GALNT5: variants seen among roughly 807,000 people sequenced by gnomAD.
GALNT5 encodes UDP-GalNAc:polypeptide N-acetylgalactosaminyltransferase 5.
In GALNT5, 72 loss-of-function variants were observed where a neutral mutation model predicts 85.4. The ratio of observed to expected loss-of-function variants is 0.84; its 90% confidence interval spans 0.70 to 1.03. The LOEUF is 1.03. Ranked by LOEUF, GALNT5 falls within the 50% of genes least tolerant of loss-of-function variation. The pLI is 0.00. For synonymous variants in GALNT5, 404 were observed against 397.0 expected, an observed-to-expected ratio of 1.02 and a Z score of -0.21; for missense variants, 1,137 against 1,135.5, an observed-to-expected ratio of 1.00 and a Z score of -0.02.
intron 8 of GALNT5, among the ~76,000 whole-genome samples, chr2:157,308,098 C>G (rs1683491658): frequency 6.6e-6 from 1 of 152,106 alleles, no homozygotes; most frequent in African/African-American, 2.4e-5. Context: ...AATCTCCACC[C>G]AAGAAATTTA....
At chr2:157,303,461 A>G (rs996660979) in intron 7 of GALNT5, among the ~76,000 whole-genome samples, 3 of 152,100 alleles carry the variant, frequency 2.0e-5, no homozygotes, top group Non-Finnish European at 4.4e-5. Flanking sequence ...AAAATGAAAT[A>G]ATACAACATG....
At position 157,299,176 on chromosome 2, in the gene GALNT5, A is replaced by G. The variant is rs1229605841; in HGVS notation, c.1998-372A>G. 4 of 155,342 alleles carry G rather than the reference A, an allele frequency of 2.6e-5. No individual in the cohort carries two copies. The East Asian group carries it at 7.5e-4, about 29-fold the overall frequency. 9.6% of individuals were successfully genotyped at this position (155,342 alleles called of 1,614,324 possible). ...TCACATCCAGTGTTGCAGATTCTTA[A>G]TAATTGCACACACAAGATTTTTTGT... On this transcript the variant is annotated intron_variant, in intron 5 of 9. Coordinates refer to ENST00000259056, the MANE Select transcript of GALNT5 (RefSeq NM_014568.3).
At chr2:157,288,400 A>T (rs1183872766) in intron 3 of GALNT5, among the ~76,000 whole-genome samples, 1 of 152,202 alleles carries the variant, frequency 6.6e-6, no homozygotes, top group African/African-American at 2.4e-5. Flanking sequence ...TCTATAAATG[A>T]CGTAAAAATA....
chr2:157,301,276 G>C (rs2105163369), intron 7 of GALNT5, among the ~76,000 whole-genome samples: 1 of 152,248 alleles, frequency 6.6e-6, no homozygotes, highest in Admixed American at 6.5e-5. Context: ...AAGTAGACTT[G>C]GTTCCTTCCT....
chr2:157,306,877 G>C (rs966359955), intron 8 of GALNT5, among the ~76,000 whole-genome samples: 2 of 152,140 alleles, frequency 1.3e-5, no homozygotes, highest in Admixed American at 1.3e-4. Context: ...GAGTCAAAGG[G>C]AAGTGAAGAA....
intron 9 of GALNT5, 25 bp from the exon 10 acceptor site, chr2:157,311,183 A>C: frequency 6.3e-7 from 1 of 1,592,852 alleles, no homozygotes; most frequent in Non-Finnish European, 8.6e-7. Flanking sequence ...CCTGTGGCTC[A>C]TTCCCAGCTC....
chr2:157,264,364 G>T (rs1275166517), intron 1 of GALNT5, among the ~76,000 whole-genome samples: 1 of 152,084 alleles, frequency 6.6e-6, no homozygotes, highest in African/African-American at 2.4e-5. Flanking sequence ...ATGACTCAAA[G>T]GAATTTTTGC....
At chr2:157,301,122 G>T in intron 7 of GALNT5, 123 bp downstream of exon 7, 1 of 701,390 alleles carries the variant, frequency 1.4e-6, no homozygotes, top group South Asian at 1.9e-5. Flanking sequence ...AGCAAAGATG[G>T]GACAAAGCAT....
intron 3 of GALNT5, among the ~76,000 whole-genome samples, chr2:157,290,346 T>C (rs1683074018): frequency 6.6e-6 from 1 of 152,110 alleles, no homozygotes; most frequent in Admixed American, 6.5e-5. Context: ...TTTGTCTCGA[T>C]GTATCCTTGC....
At chr2:157,260,643 G>A (rs138809789) in intron 1 of GALNT5, among the ~76,000 whole-genome samples, 2 of 152,308 alleles carry the variant, frequency 1.3e-5, no homozygotes, top group Non-Finnish European at 2.9e-5. Flanking sequence ...CAATGGCCTT[G>A]TTTGGCTTCT....
At chr2:157,291,769 C>T (rs1360170191) in intron 3 of GALNT5, among the ~76,000 whole-genome samples, 3 of 151,990 alleles carry the variant, frequency 2.0e-5, no homozygotes, top group Admixed American at 6.6e-5. Flanking sequence ...TTCTTTAACC[C>T]GCCTCTCCCT....
rs549555078 is a variant in GALNT5, at chr2:157,318,154, T to TTATTTTTACTTATTTTAAAATAAGTA, written c.*6806_*6807insTATTTTTACTTATTTTAAAATAAGTA. On this transcript the variant is annotated 3_prime_UTR_variant, in exon 10 of 10. Coordinates refer to ENST00000259056, the MANE Select transcript of GALNT5 (RefSeq NM_014568.3). ...GGTGCTTTATCCTTCTCCATAATTC[T>TTATTTTTACTTATTTTAAAATAAGTA]CTATTATTACTTATTTTAAATGTTT... 5.2e-4 allele frequency among the ~76,000 whole-genome samples: 79 copies of TTATTTTTACTTATTTTAAAATAAGTA among 152,136 alleles called. 4 individuals are homozygous for TTATTTTTACTTATTTTAAAATAAGTA. In the East Asian group the frequency reaches 0.014, roughly 27 times the overall value.
intron 3 of GALNT5, 149 bp downstream of exon 3, chr2:157,286,283 T>G: frequency 1.5e-6 from 1 of 657,696 alleles, no homozygotes; most frequent in South Asian, 2.0e-5. Flanking sequence ...TTATAATATG[T>G]GCTTTATCAT....
rs573530798 is a variant in GALNT5, at chr2:157,274,930, C to G, written c.1455-9352C>G. Among the ~76,000 whole-genome samples, 6 of 152,274 alleles carry G rather than the reference C, an allele frequency of 3.9e-5. No individual in the cohort carries two copies. In the South Asian group the frequency reaches 1.2e-3, roughly 32 times the overall value. On this transcript the variant is annotated intron_variant, in intron 1 of 9. Coordinates refer to ENST00000259056, the MANE Select transcript of GALNT5 (RefSeq NM_014568.3). ...CATGCCTATGTCCTGAATGGTATTG[C>G]CTAGATTTACTTCTAGGGTTTTTAC...
chr2:157,280,080 G>A (rs1357811573), intron 1 of GALNT5, among the ~76,000 whole-genome samples: 1 of 152,176 alleles, frequency 6.6e-6, no homozygotes, highest in East Asian at 1.9e-4. Context: ...TTACAGGCAT[G>A]AGCTACCTCA....
chr2:157,282,394 G>A (rs1682875921), intron 1 of GALNT5, among the ~76,000 whole-genome samples: 1 of 151,926 alleles, frequency 6.6e-6, no homozygotes, highest in South Asian at 2.1e-4. Flanking sequence ...TGGATTCTTG[G>A]GCCCTCAGCA....
chr2:157,285,437 G>A (rs13431631), intron 2 of GALNT5, among the ~76,000 whole-genome samples: 1 of 151,948 alleles, frequency 6.6e-6, no homozygotes, highest in African/African-American at 2.4e-5. Context: ...TTCCAACCTA[G>A]GATAGCTGTC....
chr2:157,292,354 A>G (rs1303811827), intron 3 of GALNT5, among the ~76,000 whole-genome samples: 1 of 152,220 alleles, frequency 6.6e-6, no homozygotes, highest in Non-Finnish European at 1.5e-5. Flanking sequence ...CACCTAACAT[A>G]GTCCTAGGAT....
At chr2:157,289,008 G>A (rs1195577415) in intron 3 of GALNT5, among the ~76,000 whole-genome samples, 1 of 152,182 alleles carries the variant, frequency 6.6e-6, no homozygotes, top group South Asian at 2.1e-4. Context: ...AACTGGAGGA[G>A]CAGGTTTGGA....
Sources: allele counts gnomAD v4.1 joint callset (sites outside exome capture counted in the v4.1 genomes callset), GRCh38; gene constraint gnomAD v4.1.1; transcripts MANE v1.5; gene names NCBI Gene and HGNC (gene_info 2026-07-23, HGNC 2026-07-21).